Variants in SLC35D4 observed in about 807,000 individuals in gnomAD.
SLC35D4 encodes UDP-N-acetylglucosamine transporter SLC35D4.
the SLC35D4 span, among the ~76,000 whole-genome samples, chr18:23,394,722 AG>A: frequency 6.6e-6 from 1 of 152,134 alleles, no homozygotes; most frequent in East Asian, 1.9e-4. Context: ...CTGTAATCCC[AG>A]CACTTTGGGA....
chr18:23,367,761 CTT>C, the SLC35D4 span, among the ~76,000 whole-genome samples: 3 of 146,104 alleles, frequency 2.1e-5, no homozygotes, highest in African/African-American at 5.1e-5. Flanking sequence ...GCCCTGGATA[CTT>C]TTTTTTTTTT....
the SLC35D4 span, among the ~76,000 whole-genome samples, chr18:23,320,557 G>C: frequency 6.6e-6 from 1 of 152,150 alleles, no homozygotes; most frequent in African/African-American, 2.4e-5. Context: ...TGACATGCTG[G>C]ACATAGGTAT....
At chr18:23,373,159 CA>C in the SLC35D4 span, among the ~76,000 whole-genome samples, 2 of 151,910 alleles carry the variant, frequency 1.3e-5, no homozygotes, top group African/African-American at 4.8e-5. Flanking sequence ...ACTAAAAATA[CA>C]AAAAATTAGC....
the SLC35D4 span, among the ~76,000 whole-genome samples, chr18:23,367,353 CA>C: frequency 2.7e-4 from 41 of 152,154 alleles, no homozygotes; most frequent in African/African-American, 9.2e-4. Flanking sequence ...TATTCCTAAC[CA>C]ACGCAATCAG....
chr18:23,353,107 G>GTGTGTGTGTGTGTA, the SLC35D4 span, among the ~76,000 whole-genome samples: 8 of 151,296 alleles, frequency 5.3e-5, no homozygotes, highest in Non-Finnish European at 1.2e-4. Flanking sequence ...GTGTGTGTGT[G>GTGTGTGTGTGTGTA]TGTGTGTGTG....
At chr18:23,354,225 G>A in the SLC35D4 span, among the ~76,000 whole-genome samples, 1 of 152,010 alleles carries the variant, frequency 6.6e-6, no homozygotes, top group Non-Finnish European at 1.5e-5. Flanking sequence ...GATATGGCCA[G>A]GTGCGGTGGC....
chr18:23,335,367 G>A, the SLC35D4 span, among the ~76,000 whole-genome samples: 1 of 152,142 alleles, frequency 6.6e-6, no homozygotes, highest in South Asian at 2.1e-4. Flanking sequence ...CTTCATCTAG[G>A]TCTGCTTTGA....
At chr18:23,427,265 C>T in the SLC35D4 span, among the ~76,000 whole-genome samples, 1 of 152,162 alleles carries the variant, frequency 6.6e-6, no homozygotes, top group Non-Finnish European at 1.5e-5. Flanking sequence ...TTACAATCTA[C>T]CCATCTGACA....
the SLC35D4 span, among the ~76,000 whole-genome samples, chr18:23,338,158 G>A: frequency 6.6e-6 from 1 of 152,184 alleles, no homozygotes; most frequent in Admixed American, 6.5e-5. Context: ...CAAATGTTCT[G>A]AATCAATGAC....
At chr18:23,350,771 G>A in the SLC35D4 span, among the ~76,000 whole-genome samples, 14 of 152,264 alleles carry the variant, frequency 9.2e-5, no homozygotes, top group Admixed American at 2.0e-4. Context: ...CCTCTTGGAA[G>A]TGGTGGTAAG....
At chr18:23,398,155 T>C in the SLC35D4 span, among the ~76,000 whole-genome samples, 10 of 152,290 alleles carry the variant, frequency 6.6e-5, no homozygotes, top group African/African-American at 2.2e-4. Flanking sequence ...CATCTCTTCC[T>C]CTGTCAAGTG....
chr18:23,436,801 A>T, the SLC35D4 span, among the ~76,000 whole-genome samples: 1 of 152,176 alleles, frequency 6.6e-6, no homozygotes, highest in Non-Finnish European at 1.5e-5. Flanking sequence ...TCAAAAAAAT[A>T]AAAATAAAAA....
the SLC35D4 span, among the ~76,000 whole-genome samples, chr18:23,421,693 T>C: frequency 1.0e-3 from 151 of 150,978 alleles, 1 homozygote; most frequent in African/African-American, 3.4e-3. Context: ...TTTTTTTTTT[T>C]TGAGACGGAG....
chr18:23,275,063 TGTGCTTGTGTGTGTGTGTGCTTGTGTGC>T, the SLC35D4 span, among the ~76,000 whole-genome samples: 3 of 147,150 alleles, frequency 2.0e-5, no homozygotes, highest in African/African-American at 8.1e-5. Context: ...TTTGTGTAGG[TGTGCTTGTGTGTGTGTGTGCTTGTGTGC>T]GTGCTTGTGT....
chr18:23,328,414 A>G, the SLC35D4 span, among the ~76,000 whole-genome samples: 7 of 152,206 alleles, frequency 4.6e-5, no homozygotes, highest in African/African-American at 1.7e-4. Flanking sequence ...CCAATAATAG[A>G]TAAACAGAGA....
the SLC35D4 span, among the ~76,000 whole-genome samples, chr18:23,351,081 G>A: frequency 6.6e-6 from 1 of 152,052 alleles, no homozygotes; most frequent in Non-Finnish European, 1.5e-5. Flanking sequence ...TTTACATTCT[G>A]CTAGAATTGG....
the SLC35D4 span, among the ~76,000 whole-genome samples, chr18:23,386,722 C>CAA: frequency 8.1e-3 from 874 of 108,368 alleles, 6 homozygotes; most frequent in African/African-American, 0.025. Context: ...AAACTCTCAC[C>CAA]AAAAAAAAAA....
At chr18:23,373,736 T>A in the SLC35D4 span, 1 of 1,613,724 alleles carries the variant, frequency 6.2e-7, no homozygotes, top group Non-Finnish European at 8.5e-7. Flanking sequence ...AGGGAAGGCA[T>A]CCTGCTGCGG....
At chr18:23,400,333 C>T in the SLC35D4 span, among the ~76,000 whole-genome samples, 1 of 152,270 alleles carries the variant, frequency 6.6e-6, no homozygotes, top group South Asian at 2.1e-4. Context: ...GTTAGAAATG[C>T]ATTTTATTGG....
Sources: gnomAD v4.1 joint callset for allele counts (sites outside exome capture counted in the v4.1 genomes callset) on GRCh38, gnomAD v4.1.1 for gene constraint, MANE v1.5 for transcripts, NCBI Gene and HGNC (gene_info 2026-07-23, HGNC 2026-07-21) for gene names.